Variants in KIT observed in about 807,000 individuals in gnomAD.
KIT encodes the protein KIT proto-oncogene, receptor tyrosine kinase, also known as mast/stem cell growth factor receptor Kit.
Under a neutral mutation model 105.7 loss-of-function variants are expected in KIT, and 16 were observed. That is an observed-to-expected ratio of 0.15 (90% CI 0.10 to 0.23). The LOEUF (loss-of-function observed/expected upper bound fraction) is 0.23. Ranked by LOEUF, KIT falls within the 10% of genes least tolerant of loss-of-function variation. The probability of loss-of-function intolerance (pLI) is 1.00; values close to 1 mark genes in which losing one functional copy is unlikely to be tolerated. For missense variants in KIT, 858 were observed against 1,213.8 expected (o/e 0.71, Z 4.36); for synonymous variants, 438 against 441.1 (o/e 0.99, Z 0.09).
In KIT at chr4:54,698,410, C is replaced by T. The variant is rs367719489; in HGVS notation, c.464C>T (p.Pro155Leu). Residue 155 changes from proline to leucine, a missense_variant, in exon 3 of 21, where the codon CCT becomes CTT. This residue lies in a region of KIT where 401 missense variants were observed against 601.0 expected (regional missense o/e 0.67). Coordinates refer to ENST00000288135, the MANE Select transcript of KIT (RefSeq NM_000222.3). ...TCCCTCAAGGGGTGCCAGGGGAAGC[C>T]TCTTCCCAAGGACTTGAGGTTTATT... is the stretch of plus-strand genomic sequence containing the variant. The part of the protein sequence containing the change: ...NYSLKGCQGK[P>L]LPKDLRFIPD... 100 of 1,614,056 alleles carry T rather than the reference C, an allele frequency of 6.2e-5. No homozygotes were observed. The highest frequency in any genetic ancestry group is 2.3e-4 in the African/African-American group (17 of 74,938).
intron 1 of KIT, among the ~76,000 whole-genome samples, chr4:54,661,319 G>A (rs550012618): frequency 2.0e-5 from 3 of 152,230 alleles, no homozygotes; most frequent in African/African-American, 7.2e-5. Context: ...AGTATTCTGC[G>A]GGCTTCCCTT....
At chr4:54,720,025 A>G (rs1017727656) in intron 7 of KIT, among the ~76,000 whole-genome samples, 1 of 152,102 alleles carries the variant, frequency 6.6e-6, no homozygotes, top group Non-Finnish European at 1.5e-5. Context: ...GCTCTCACAG[A>G]TACCCACTCA....
At chr4:54,729,264 G>A (rs2109785315) in intron 13 of KIT, 71 bp from the exon 14 acceptor site, 5 of 1,543,084 alleles carry the variant, frequency 3.2e-6, no homozygotes, top group Middle Eastern at 2.3e-4. Flanking sequence ...CCACCCTTGG[G>A]TATTTTTATG....
rs1577963472 is a variant in KIT, at chr4:54,703,967, T to C, written c.925+75T>C. 7.8e-6 allele frequency: 9 copies of C among 1,154,554 alleles called. No homozygotes were observed. The East Asian group carries it at 2.1e-4, about 27-fold the overall frequency. The allele number at this position is 1,154,554 out of a possible 1,614,324, so 71.5% of individuals were successfully genotyped here. A position where few individuals can be genotyped will look rare whatever the true frequency, so the allele number is the denominator to read the frequency against. On this transcript the variant is annotated intron_variant, in intron 5 of 20. Coordinates refer to ENST00000288135, the MANE Select transcript of KIT (RefSeq NM_000222.3). ...AAATTATTAGACAGTTTCTTTTTTA[T>C]GTAAATGGAATGTTGAACAGATTCT...
intron 4 of KIT, among the ~76,000 whole-genome samples, chr4:54,701,368 A>G (rs1304368111): frequency 6.6e-6 from 1 of 152,254 alleles, no homozygotes; most frequent in Non-Finnish European, 1.5e-5. Context: ...TATTAGCACT[A>G]TCAAATTATT....
In KIT at chr4:54,740,311, C is replaced by T. The variant is rs1000338100; in HGVS notation, c.*1754C>T. The stretch of plus-strand genomic sequence containing the variant: ...TTGCCATACTTTGTCTGAAAAATTC[C>T]TTTGTGTTTCTATTGACTTCAATGA... On this transcript the variant is annotated 3_prime_UTR_variant, in exon 21 of 21. Transcript: ENST00000288135. 13 of 233,356 alleles carry T rather than the reference C, an allele frequency of 5.6e-5. No individual in the cohort carries two copies. Among genetic ancestry groups the T allele is most frequent in the Middle Eastern group, 1.2e-3 (1 of 804 alleles). 14.5% of individuals were successfully genotyped at this position (233,356 alleles called of 1,614,324 possible). A position where few individuals can be genotyped will look rare whatever the true frequency, so the allele number is the denominator to read the frequency against.
intron 1 of KIT, among the ~76,000 whole-genome samples, chr4:54,679,368 A>C (rs1430916899): frequency 1.3e-5 from 2 of 152,242 alleles, no homozygotes; most frequent in East Asian, 3.8e-4. Context: ...TCTGCAGAAC[A>C]GTTATCAAGG....
chr4:54,730,713 C>A (rs1444133578), intron 14 of KIT, among the ~76,000 whole-genome samples: 1 of 152,086 alleles, frequency 6.6e-6, no homozygotes, highest in African/African-American at 2.4e-5. Flanking sequence ...TTGGAACCAC[C>A]AGCACACTCT....
At chr4:54,717,850 C>T (rs1721603298) in intron 7 of KIT, among the ~76,000 whole-genome samples, 1 of 151,986 alleles carries the variant, frequency 6.6e-6, no homozygotes, top group Admixed American at 6.6e-5. Flanking sequence ...CCCATGCCTG[C>T]ACTCCTTGGC....
chr4:54,667,735 T>A (rs1308712319), intron 1 of KIT, among the ~76,000 whole-genome samples: 1 of 149,278 alleles, frequency 6.7e-6, no homozygotes, highest in Non-Finnish European at 1.5e-5. Context: ...GTGCTATATG[T>A]GATGAGATTT....
chr4:54,720,367 A>G (rs1303275493), intron 7 of KIT, among the ~76,000 whole-genome samples: 1 of 152,218 alleles, frequency 6.6e-6, no homozygotes, highest in Non-Finnish European at 1.5e-5. Context: ...TAACCGGCAC[A>G]TGGGAACAAG....
At chr4:54,735,138 G>A (rs1045914811) in intron 17 of KIT, among the ~76,000 whole-genome samples, 21 of 152,004 alleles carry the variant, frequency 1.4e-4, no homozygotes, top group African/African-American at 4.6e-4. Flanking sequence ...ATACTACTGC[G>A]TTTTATCACC....
At chr4:54,661,856 G>A (rs890487383) in intron 1 of KIT, among the ~76,000 whole-genome samples, 2 of 152,198 alleles carry the variant, frequency 1.3e-5, no homozygotes, top group African/African-American at 4.8e-5. Flanking sequence ...GAGGAATTGA[G>A]TTGAGTCGGC....
intron 1 of KIT, among the ~76,000 whole-genome samples, chr4:54,687,249 C>T (rs538051182): frequency 1.3e-5 from 2 of 152,130 alleles, no homozygotes; most frequent in East Asian, 3.9e-4. Context: ...ACCAGACTGG[C>T]CAACATAGTG....
chr4:54,731,210 T>G (rs1454684457), intron 14 of KIT, 118 bp from the exon 15 acceptor site: 8 of 759,208 alleles, frequency 1.1e-5, no homozygotes, highest in Admixed American at 7.7e-5. Context: ...TACATGACTT[T>G]CCTCAAATTG....
At chr4:54,671,546 T>C (rs952787796) in intron 1 of KIT, among the ~76,000 whole-genome samples, 4 of 152,186 alleles carry the variant, frequency 2.6e-5, no homozygotes, top group African/African-American at 7.2e-5. Context: ...TTGCTCCAGG[T>C]TTCACAATTC....
chr4:54,674,242 C>G (rs1003896889), intron 1 of KIT, among the ~76,000 whole-genome samples: 1 of 152,208 alleles, frequency 6.6e-6, no homozygotes, highest in Non-Finnish European at 1.5e-5. Context: ...CAGTGTGGGG[C>G]TTTGCCTTGG....
chr4:54,659,340 C>G (rs1302147540), intron 1 of KIT, among the ~76,000 whole-genome samples: 2 of 152,168 alleles, frequency 1.3e-5, no homozygotes, highest in African/African-American at 4.8e-5. Context: ...CTGGTGCGGG[C>G]GAGTGCAGGT....
chr4:54,705,009 A>G (rs2109697756), intron 5 of KIT, among the ~76,000 whole-genome samples: 1 of 152,320 alleles, frequency 6.6e-6, no homozygotes, highest in Non-Finnish European at 1.5e-5. Context: ...TAGTCAGCAC[A>G]CAGAAAGTGT....
Sources: allele counts gnomAD v4.1 joint callset (sites outside exome capture counted in the v4.1 genomes callset), GRCh38; gene constraint gnomAD v4.1.1; regional missense constraint gnomAD v4.1.1; transcripts MANE v1.5; gene names NCBI Gene and HGNC (gene_info 2026-07-23, HGNC 2026-07-21).